Variants in SENP6 observed in about 807,000 individuals in gnomAD.
SENP6 encodes the protein SUMO specific peptidase 6, also known as sentrin-specific protease 6.
SENP6 carries 41 observed loss-of-function variants against 134.5 expected under a neutral mutation model. The ratio of observed to expected loss-of-function variants is 0.30; its 90% CI spans 0.24 to 0.40. SENP6 has a LOEUF of 0.40. Ranked by LOEUF, SENP6 falls within the 10% of genes least tolerant of loss-of-function variation. The pLI, the probability that SENP6 is intolerant of heterozygous loss-of-function variation, is 1.00. For missense variants in SENP6, 1,248 were observed against 1,312.5 expected (o/e 0.95, Z 0.76); for synonymous variants, 395 against 429.8 (o/e 0.92, Z 1.00).
At chr6:75,608,667 T>C (rs890592081) in intron 1 of SENP6, among the ~76,000 whole-genome samples, 4 of 146,008 alleles carry the variant, frequency 2.7e-5, no homozygotes, top group African/African-American at 1.1e-4. Flanking sequence ...AGCTATGTGA[T>C]CTTGGATAGA....
intron 16 of SENP6, among the ~76,000 whole-genome samples, chr6:75,683,952 A>G (rs973666962): frequency 6.6e-6 from 1 of 152,192 alleles, no homozygotes; most frequent in African/African-American, 2.4e-5. Flanking sequence ...TGGTAGCTTG[A>G]TGGGGATGAC....
At chr6:75,632,004 T>C (rs540311506) in intron 3 of SENP6, among the ~76,000 whole-genome samples, 1 of 152,264 alleles carries the variant, frequency 6.6e-6, no homozygotes, top group African/African-American at 2.4e-5. Flanking sequence ...TTTTTTGTTT[T>C]TGTTTCTGGG....
intron 18 of SENP6, among the ~76,000 whole-genome samples, chr6:75,700,186 C>T (rs949052232): frequency 3.3e-5 from 5 of 151,996 alleles, no homozygotes; most frequent in Admixed American, 3.3e-4. Flanking sequence ...ACCAGGATTA[C>T]AGGCATGAGC....
rs569354702 is a variant in SENP6, at chr6:75,717,686, CA to C, written c.*2094del. ...TATTCTATGTAGTTTAAAGTGGGATCAAGCCTTTTAAAATGTGTTATTAGTA... is the reference window on the plus strand; with the variant it reads ...TATTCTATGTAGTTTAAAGTGGGATCAGCCTTTTAAAATGTGTTATTAGTA... On this transcript the variant is annotated 3_prime_UTR_variant, in exon 24 of 24. Transcript: ENST00000447266. The C allele has an allele frequency of 1.1e-3, 168 of 152,176 alleles. No individual in the cohort carries two copies. The highest frequency in any genetic ancestry group is 3.8e-3 in the African/African-American group (159 of 41,542). The allele number at this position is 152,176 out of a possible 1,614,324, so 9.4% of individuals were successfully genotyped here.
intron 8 of SENP6, 82 bp downstream of exon 8, chr6:75,659,489 G>A: frequency 3.8e-6 from 5 of 1,313,174 alleles, no homozygotes; most frequent in Non-Finnish European, 5.3e-6. Flanking sequence ...AATTCTAGGT[G>A]ATCTTTTATC....
rs761335272 is a variant in SENP6 at position 75,602,503 on chromosome 6, G to T, written c.-22G>T. 6.4e-7 allele frequency: 1 copy of T among 1,551,104 alleles called. No homozygotes were observed. The highest frequency in any genetic ancestry group is 1.2e-5 in the South Asian group (1 of 84,058). On this transcript the variant is annotated 5_prime_UTR_variant, in exon 1 of 24. Transcript: ENST00000447266. Reference sequence around the variant, plus strand: ...GCGGTGTGGGCCATGGATTAAGAAGGAGGCGGCGTGGGAGGAGGAAGATGG... The same window carrying T: ...GCGGTGTGGGCCATGGATTAAGAAGTAGGCGGCGTGGGAGGAGGAAGATGG...
chr6:75,687,811 G>T (rs537833156), intron 16 of SENP6, among the ~76,000 whole-genome samples: 1 of 152,244 alleles, frequency 6.6e-6, no homozygotes, highest in South Asian at 2.1e-4. Flanking sequence ...GGTGTCTGTC[G>T]GCCCCTACTG....
intron 10 of SENP6, 29 bp downstream of exon 10, chr6:75,666,970 C>T: frequency 6.9e-7 from 1 of 1,456,774 alleles, no homozygotes; most frequent in East Asian, 2.3e-5. Context: ...GACATTTGTT[C>T]AGATTAATGC....
chr6:75,685,462 T>A (rs1418000942), intron 16 of SENP6, among the ~76,000 whole-genome samples: 1 of 152,132 alleles, frequency 6.6e-6, no homozygotes, highest in Non-Finnish European at 1.5e-5. Context: ...TCTAGTTTTT[T>A]AAATTGTGAT....
At chr6:75,630,230 C>G (rs1013039302) in intron 3 of SENP6, among the ~76,000 whole-genome samples, 1 of 151,924 alleles carries the variant, frequency 6.6e-6, no homozygotes, top group Non-Finnish European at 1.5e-5. Flanking sequence ...TCACCACACC[C>G]GGCAAATTTT....
chr6:75,632,757 AT>A (rs1317656458), intron 3 of SENP6, among the ~76,000 whole-genome samples: 3 of 152,176 alleles, frequency 2.0e-5, no homozygotes, highest in African/African-American at 7.2e-5. Context: ...ATATATCATC[AT>A]GATTTTATTA....
chr6:75,693,575 T>G (rs941580932), intron 16 of SENP6, among the ~76,000 whole-genome samples: 1 of 152,188 alleles, frequency 6.6e-6, no homozygotes, highest in African/African-American at 2.4e-5. Flanking sequence ...AAACTGTGTC[T>G]TGATCTGACT....
intron 9 of SENP6, 30 bp from the exon 10 acceptor site, chr6:75,666,682 A>G (rs1464317837): frequency 9.6e-7 from 1 of 1,039,982 alleles, no homozygotes; most frequent in South Asian, 3.2e-5. Flanking sequence ...TAGTTTTAAT[A>G]TAAATTATAA....
chr6:75,625,588 G>T (rs1289922647), intron 3 of SENP6, among the ~76,000 whole-genome samples: 1 of 152,158 alleles, frequency 6.6e-6, no homozygotes, highest in African/African-American at 2.4e-5. Context: ...CTTATTTGGG[G>T]CTGGGCACAG....
intron 16 of SENP6, among the ~76,000 whole-genome samples, chr6:75,689,478 A>G (rs1175359379): frequency 6.6e-6 from 1 of 152,208 alleles, no homozygotes; most frequent in African/African-American, 2.4e-5. Flanking sequence ...AAACTGTTAT[A>G]AAATGGTGCT....
intron 14 of SENP6, chr6:75,677,463 G>A (rs981751660): frequency 4.0e-5 from 17 of 420,810 alleles, no homozygotes; most frequent in Non-Finnish European, 6.8e-5. Flanking sequence ...GGTCTCAGAA[G>A]CATTTTTGGT....
chr6:75,686,819 G>T (rs2149887314), intron 16 of SENP6, among the ~76,000 whole-genome samples: 1 of 152,296 alleles, frequency 6.6e-6, no homozygotes, highest in South Asian at 2.1e-4. Context: ...CTCTCTGGCT[G>T]CCCTTAACAC....
intron 17 of SENP6, 103 bp downstream of exon 17, chr6:75,696,026 TG>T (rs1472554484): frequency 9.6e-7 from 1 of 1,040,770 alleles, no homozygotes; most frequent in Non-Finnish European, 1.3e-6. Context: ...GCAGTTCTCT[TG>T]CTTACTTTTT....
intron 16 of SENP6, among the ~76,000 whole-genome samples, chr6:75,684,793 C>A (rs1039749801): frequency 6.6e-6 from 1 of 152,084 alleles, no homozygotes; most frequent in Non-Finnish European, 1.5e-5. Flanking sequence ...TGCTGGACTT[C>A]GTTTGCCAGT....
Sources: gnomAD v4.1 joint callset for allele counts (sites outside exome capture counted in the v4.1 genomes callset) on GRCh38, gnomAD v4.1.1 for gene constraint, MANE v1.5 for transcripts, NCBI Gene and HGNC (gene_info 2026-07-23, HGNC 2026-07-21) for gene names.